The following STXBP5L variants were observed in gnomAD, a reference collection of about 807,000 sequenced individuals.
STXBP5L encodes the protein syntaxin binding protein 5L.
In STXBP5L, 65 loss-of-function variants were observed where a neutral mutation model predicts 144.5. The observed-to-expected ratio is 0.45, with a 90% CI of 0.37 to 0.55. The LOEUF (loss-of-function observed/expected upper bound fraction) is 0.55, where lower values mean the gene tolerates loss of function less well. Among genes scored for constraint, STXBP5L ranks in the 20% least tolerant of loss-of-function variants. STXBP5L has a pLI of 0.00. For synonymous variants in STXBP5L, 505 were observed against 469.6 expected, an observed-to-expected ratio of 1.08 and a Z score of -0.97; for missense variants, 1,298 against 1,405.5, an observed-to-expected ratio of 0.92 and a Z score of 1.22.
intron 4 of STXBP5L, among the ~76,000 whole-genome samples, chr3:121,043,533 A>G (rs1025673068): frequency 2.0e-5 from 3 of 152,052 alleles, no homozygotes; most frequent in Admixed American, 6.6e-5. Flanking sequence ...ACATGGTGAA[A>G]CCCCGTCTCT....
chr3:121,363,784 G>A (rs2045785733), intron 20 of STXBP5L, among the ~76,000 whole-genome samples: 1 of 151,900 alleles, frequency 6.6e-6, no homozygotes, highest in Non-Finnish European at 1.5e-5. Flanking sequence ...TTGTTAGCTT[G>A]GTGTCCTTGC....
intron 3 of STXBP5L, among the ~76,000 whole-genome samples, chr3:120,975,150 C>T (rs545564600): frequency 5.5e-4 from 84 of 152,280 alleles, no homozygotes; most frequent in Non-Finnish European, 9.7e-4. Context: ...GCCATTTTCA[C>T]GATATTGCTT....
rs2051272662 is a variant in STXBP5L, at chr3:121,287,547, T to A, written c.2110+7591T>A. ...CAGATACGAAAGACCCACACATTGA[T>A]GGGCCGGGCGCGGTGGCTCATGCCT... On this transcript the variant is annotated intron_variant, in intron 19 of 26. Transcript: ENST00000471454. Among the ~76,000 whole-genome samples, 3 of 151,250 alleles carry A rather than the reference T, an allele frequency of 2.0e-5. No individual in the cohort carries two copies. The South Asian group carries it at 6.3e-4, about 32-fold the overall frequency.
chr3:121,386,247 A>G (rs536233037), intron 22 of STXBP5L, among the ~76,000 whole-genome samples: 4 of 152,224 alleles, frequency 2.6e-5, no homozygotes, highest in South Asian at 2.1e-4. Flanking sequence ...AGTTACCAGT[A>G]TCTCTTATTC....
At chr3:121,126,721 A>G (rs751842777) in intron 7 of STXBP5L, among the ~76,000 whole-genome samples, 2 of 152,192 alleles carry the variant, frequency 1.3e-5, no homozygotes, top group Admixed American at 6.6e-5. Context: ...TTAAAACAAA[A>G]CAATTTATTA....
At chr3:121,233,578 C>T in intron 11 of STXBP5L, 38 bp from the exon 12 acceptor site, 1 of 1,519,280 alleles carries the variant, frequency 6.6e-7, no homozygotes, top group Non-Finnish European at 9.0e-7. Context: ...ATAGTATATA[C>T]AATATGAAAA....
intron 2 of STXBP5L, among the ~76,000 whole-genome samples, chr3:120,938,672 G>A (rs1710395139): frequency 1.3e-5 from 2 of 152,108 alleles, no homozygotes; most frequent in South Asian, 4.1e-4. Context: ...CTTTCATCTC[G>A]AGATGGGATC....
intron 19 of STXBP5L, among the ~76,000 whole-genome samples, chr3:121,302,109 T>C (rs1468935597): frequency 7.2e-5 from 11 of 152,344 alleles, no homozygotes; most frequent in East Asian, 3.9e-4. Context: ...TGGAATAGTT[T>C]CAGAAGGAAT....
chr3:121,092,052 T>G (rs2042833208), intron 5 of STXBP5L, among the ~76,000 whole-genome samples: 1 of 152,208 alleles, frequency 6.6e-6, no homozygotes, highest in South Asian at 2.1e-4. Flanking sequence ...CCATTGCTTG[T>G]TTTTCTCGGG....
intron 10 of STXBP5L, among the ~76,000 whole-genome samples, chr3:121,212,596 A>G (rs939702317): frequency 6.7e-6 from 1 of 149,166 alleles, no homozygotes; most frequent in Non-Finnish European, 1.5e-5. Flanking sequence ...TACCAGAAGC[A>G]TGCTGTTTTC....
At position 121,057,677 on chromosome 3, in the gene STXBP5L, A is replaced by G. The variant is rs545127030; in HGVS notation, c.470+12142A>G. On this transcript the variant is annotated intron_variant, in intron 5 of 26. Coordinates refer to ENST00000471454, the MANE Select transcript of STXBP5L (RefSeq NM_001308330.2). Reference sequence around the variant, plus strand: ...AGTTTATTTATTTTCATTATTATGTACTATTCTATTTAATGGATATTCTGC... The same window carrying G: ...AGTTTATTTATTTTCATTATTATGTGCTATTCTATTTAATGGATATTCTGC... Among the ~76,000 whole-genome samples, 91 of 152,098 alleles carry G rather than the reference A, an allele frequency of 6.0e-4. 3 individuals are homozygous for G. In the South Asian group the frequency reaches 8.7e-3, roughly 15 times the overall value.
intron 4 of STXBP5L, among the ~76,000 whole-genome samples, chr3:121,045,073 G>C (rs569559136): frequency 1.3e-5 from 2 of 152,120 alleles, no homozygotes; most frequent in African/African-American, 2.4e-5. Context: ...TTTCTTCTCT[G>C]TAAGGCTATA....
chr3:120,981,698 C>A (rs942020289), intron 3 of STXBP5L, among the ~76,000 whole-genome samples: 1 of 152,120 alleles, frequency 6.6e-6, no homozygotes, highest in Non-Finnish European at 1.5e-5. Flanking sequence ...TGAATAAGAT[C>A]CATTGCTAGA....
rs984762306 is a variant in STXBP5L, at chr3:121,190,542, A to T, written c.878-15381A>T. On this transcript the variant is annotated intron_variant, in intron 9 of 26. Transcript: ENST00000471454. The stretch of plus-strand genomic sequence containing the variant: ...ATTCGACAAAACCGCCATCGTCATC[A>T]TGGCCCCTTCTCAATGAGCTGTTGG... Among the ~76,000 whole-genome samples, 14 of 152,310 alleles carry T rather than the reference A, an allele frequency of 9.2e-5. 1 individual carries two copies. Among genetic ancestry groups the T allele is most frequent in the Admixed American group, 9.1e-4 (14 of 15,302 alleles).
chr3:121,106,019 ATTTAT>A (rs1360921252), intron 5 of STXBP5L, among the ~76,000 whole-genome samples: 1 of 152,148 alleles, frequency 6.6e-6, no homozygotes, highest in Non-Finnish European at 1.5e-5. Context: ...AGAAAAATTT[ATTTAT>A]TTTGTGTTTT....
chr3:121,145,531 C>T (rs969732401), intron 7 of STXBP5L, among the ~76,000 whole-genome samples: 2 of 151,912 alleles, frequency 1.3e-5, no homozygotes, highest in East Asian at 3.9e-4. Context: ...AATTCATCAA[C>T]ATCAAATCTT....
At chr3:121,304,935 C>T (rs1015579221) in intron 19 of STXBP5L, among the ~76,000 whole-genome samples, 1 of 151,332 alleles carries the variant, frequency 6.6e-6, no homozygotes, top group Non-Finnish European at 1.5e-5. Flanking sequence ...TATATAAAAC[C>T]CTAACAATAC....
intron 3 of STXBP5L, among the ~76,000 whole-genome samples, chr3:121,023,744 A>G (rs941750849): frequency 6.6e-6 from 1 of 152,136 alleles, no homozygotes; most frequent in African/African-American, 2.4e-5. Flanking sequence ...TGGATCAAAG[A>G]CTTAAATCTA....
intron 5 of STXBP5L, chr3:121,099,437 C>T (rs970283475): frequency 2.0e-5 from 3 of 152,146 alleles, no homozygotes; most frequent in African/African-American, 7.2e-5. Flanking sequence ...CTTCAAGAAG[C>T]TACAATAGAG....
Sources: allele counts gnomAD v4.1 joint callset (sites outside exome capture counted in the v4.1 genomes callset), GRCh38; gene constraint gnomAD v4.1.1; transcripts MANE v1.5; gene names NCBI Gene and HGNC (gene_info 2026-07-23, HGNC 2026-07-21).